Variants in PEX5L observed in about 807,000 individuals in gnomAD.
The protein encoded by PEX5L is PEX5-related protein.
Under a neutral mutation model 84.0 loss-of-function variants are expected in PEX5L, and 30 were observed. The observed-to-expected ratio is 0.36, with a 90% CI of 0.27 to 0.48. PEX5L has a LOEUF of 0.48. Among genes scored for constraint, PEX5L ranks in the 20% least tolerant of loss-of-function variants. The pLI is 0.99. For missense variants in PEX5L, 533 were observed against 754.6 expected (o/e 0.71, Z 3.44); for synonymous variants, 270 against 283.1 (o/e 0.95, Z 0.46).
chr3:179,996,768 G>A (rs928030158), intron 1 of PEX5L, among the ~76,000 whole-genome samples: 3 of 152,148 alleles, frequency 2.0e-5, no homozygotes, highest in African/African-American at 7.2e-5. Context: ...AAGGTGGCAG[G>A]AGCCAAGTGG....
intron 2 of PEX5L, among the ~76,000 whole-genome samples, chr3:179,958,738 A>C (rs905395686): frequency 5.3e-5 from 8 of 152,252 alleles, no homozygotes; most frequent in Non-Finnish European, 4.4e-5. Context: ...AAAGGATTTA[A>C]GATACTTAAC....
chr3:179,952,131 G>GA (rs1779249507), intron 2 of PEX5L, among the ~76,000 whole-genome samples: 1 of 152,084 alleles, frequency 6.6e-6, no homozygotes, highest in Admixed American at 6.6e-5. Flanking sequence ...AAGCTTCTTG[G>GA]ATCTAATAAG....
In PEX5L at chr3:179,882,300, C is replaced by T. The variant is rs575323465; in HGVS notation, c.311-2177G>A. ...CTAATTTAATTCTATATCTTCTTCT[C>T]ACATTCAGAATAAATGAATTACTAA... On this transcript the variant is annotated intron_variant, in intron 4 of 14. Coordinates refer to ENST00000467460, the MANE Select transcript of PEX5L (RefSeq NM_016559.3). Among the ~76,000 whole-genome samples, 15 of 152,336 alleles carry T rather than the reference C, an allele frequency of 9.8e-5. No homozygotes were observed. The South Asian group carries it at 3.1e-3, about 32-fold the overall frequency.
intron 1 of PEX5L, among the ~76,000 whole-genome samples, chr3:180,013,848 A>G (rs768146663): frequency 5.9e-5 from 9 of 152,196 alleles, no homozygotes; most frequent in Non-Finnish European, 1.0e-4. Flanking sequence ...ACTTTTTTCT[A>G]CCTTTCTTTT....
chr3:179,935,822 G>T (rs902441155), intron 2 of PEX5L, among the ~76,000 whole-genome samples: 3 of 152,204 alleles, frequency 2.0e-5, no homozygotes, highest in African/African-American at 7.2e-5. Flanking sequence ...TCTTGTGATA[G>T]TGAATTCTCA....
At chr3:180,022,474 T>C (rs1314970287) in intron 1 of PEX5L, among the ~76,000 whole-genome samples, 3 of 152,210 alleles carry the variant, frequency 2.0e-5, no homozygotes, top group Admixed American at 2.0e-4. Context: ...TTTTCTCAAG[T>C]AAAGTCTTGT....
intron 2 of PEX5L, among the ~76,000 whole-genome samples, chr3:179,926,091 C>T (rs1307147393): frequency 1.3e-5 from 2 of 152,120 alleles, no homozygotes; most frequent in Admixed American, 6.6e-5. Context: ...AATTATCCCA[C>T]GTTCTCTTTT....
intron 2 of PEX5L, among the ~76,000 whole-genome samples, chr3:179,924,112 A>G (rs1350482995): frequency 4.6e-5 from 7 of 152,218 alleles, no homozygotes; most frequent in Non-Finnish European, 8.8e-5. Flanking sequence ...CCGCTCTCAG[A>G]CTAGGTTTTC....
At chr3:179,859,255 G>T in intron 7 of PEX5L, 98 bp from the exon 8 acceptor site, 1 of 867,976 alleles carries the variant, frequency 1.2e-6, no homozygotes, top group Non-Finnish European at 1.9e-6. Flanking sequence ...CTTCCCTAGA[G>T]TTCAAGAATC....
rs1784750520 is a variant in PEX5L at position 179,971,586 on chromosome 3, T to A, written c.93+8A>T. Reference sequence around the variant, plus strand: ...AACAGTAGAAAATGTACGTAAGTATTCACTTACCTGCTTTTGATCAACAAT... The same window carrying A: ...AACAGTAGAAAATGTACGTAAGTATACACTTACCTGCTTTTGATCAACAAT... On this transcript the variant is annotated splice_region_variant and intron_variant, in intron 2 of 14. Transcript: ENST00000467460. The A allele has an allele frequency of 2.5e-6, 4 of 1,606,540 alleles. No individual in the cohort carries two copies. The East Asian group carries it at 9.0e-5, about 36-fold the overall frequency.
intron 2 of PEX5L, among the ~76,000 whole-genome samples, chr3:179,950,900 G>C (rs904236179): frequency 1.3e-5 from 2 of 152,224 alleles, no homozygotes; most frequent in Non-Finnish European, 2.9e-5. Flanking sequence ...GAGGCAGGGA[G>C]CAAAATGTGT....
intron 1 of PEX5L, among the ~76,000 whole-genome samples, chr3:180,011,192 C>G (rs1031206579): frequency 1.3e-5 from 2 of 152,172 alleles, no homozygotes; most frequent in Non-Finnish European, 2.9e-5. Flanking sequence ...CTCTCAATTA[C>G]AGTGTATTAT....
intron 1 of PEX5L, among the ~76,000 whole-genome samples, chr3:179,987,023 C>A (rs1348429824): frequency 6.6e-6 from 1 of 152,056 alleles, no homozygotes. Context: ...TGGTTCAAAG[C>A]CAGGTCTGCT....
chr3:179,993,656 C>G (rs555049034), intron 1 of PEX5L, among the ~76,000 whole-genome samples: 2 of 152,060 alleles, frequency 1.3e-5, no homozygotes, highest in South Asian at 2.1e-4. Flanking sequence ...CACACCACCA[C>G]ACCCGGCTAA....
rs1762297140 is a variant in PEX5L at position 179,903,991 on chromosome 3, G to C, written c.94-5745C>G. Among the ~76,000 whole-genome samples the C allele has an allele frequency of 2.6e-5, 4 of 152,316 alleles. No homozygotes were observed. The South Asian group carries it at 8.3e-4, about 32-fold the overall frequency. On this transcript the variant is annotated intron_variant, in intron 2 of 14. Coordinates refer to ENST00000467460, the MANE Select transcript of PEX5L (RefSeq NM_016559.3). ...GGACAGAATTTGCTTGTCTTAAATAGAGATTCATATGTGGAATTTACAATC... is the reference window on the plus strand; with the variant it reads ...GGACAGAATTTGCTTGTCTTAAATACAGATTCATATGTGGAATTTACAATC...
intron 2 of PEX5L, among the ~76,000 whole-genome samples, chr3:179,918,867 G>A (rs951576261): frequency 6.6e-6 from 1 of 152,102 alleles, no homozygotes; most frequent in Non-Finnish European, 1.5e-5. Flanking sequence ...ATACTCCTGT[G>A]ACACATCCAC....
chr3:179,987,236 CCCTT>C (rs1322555071), intron 1 of PEX5L, among the ~76,000 whole-genome samples: 2 of 151,576 alleles, frequency 1.3e-5, no homozygotes, highest in South Asian at 2.1e-4. Flanking sequence ...CTCCCTCCCT[CCCTT>C]CATTTCCCTC....
At chr3:179,951,027 T>C (rs999905321) in intron 2 of PEX5L, among the ~76,000 whole-genome samples, 1 of 152,204 alleles carries the variant, frequency 6.6e-6, no homozygotes, top group African/African-American at 2.4e-5. Context: ...ATATGCATAG[T>C]CTGTTCTCTT....
Position 179,796,452 on chromosome 3 carries a change from A to T in PEX5L, c.*5376T>A, listed in dbSNP as rs1301556372. 1 of 151,896 alleles carries T rather than the reference A, an allele frequency of 6.6e-6. No individual in the cohort carries two copies. The highest frequency in any genetic ancestry group is 1.5e-5 in the Non-Finnish European group (1 of 67,980). The allele number at this position is 151,896 out of a possible 1,614,324, so 9.4% of individuals were successfully genotyped here. ...TTCTGCAGAAGCTGCAGGTAGTGGA[A>T]ACTTCGTTCAAGGCAAAATACCACA... On this transcript the variant is annotated 3_prime_UTR_variant, in exon 15 of 15. Transcript: ENST00000467460.
Sources: allele counts gnomAD v4.1 joint callset (sites outside exome capture counted in the v4.1 genomes callset), GRCh38; gene constraint gnomAD v4.1.1; transcripts MANE v1.5; gene names NCBI Gene and HGNC (gene_info 2026-07-23, HGNC 2026-07-21).